ZNF804B: variants seen among roughly 807,000 people sequenced by gnomAD.
ZNF804B encodes the protein zinc finger protein 804B.
A neutral mutation model predicts 101.4 loss-of-function variants in ZNF804B; 80 were observed. The observed-to-expected ratio is 0.79, with a 90% confidence interval of 0.66 to 0.95. The LOEUF (loss-of-function observed/expected upper bound fraction) is 0.95. ZNF804B is among the 40% of genes least tolerant of loss of function. The pLI, the probability that ZNF804B is intolerant of heterozygous loss-of-function variation, is 0.00. For missense variants in ZNF804B, 1,673 were observed against 1,561.9 expected (o/e 1.07, Z -1.20); for synonymous variants, 622 against 558.8 (o/e 1.11, Z -1.59).
At chr7:89,017,127 GCT>G (rs1160660942) in intron 1 of ZNF804B, among the ~76,000 whole-genome samples, 3 of 152,038 alleles carry the variant, frequency 2.0e-5, no homozygotes, top group Admixed American at 6.6e-5. Context: ...TCATGATTTG[GCT>G]CTCTGTTTGT....
At chr7:88,823,865 A>G (rs1216963185) in intron 1 of ZNF804B, among the ~76,000 whole-genome samples, 5 of 152,204 alleles carry the variant, frequency 3.3e-5, no homozygotes, top group African/African-American at 9.6e-5. Context: ...TGGAAGCATA[A>G]GACCTGAAGA....
chr7:89,089,920 C>A (rs1789857008), intron 1 of ZNF804B, among the ~76,000 whole-genome samples: 1 of 151,748 alleles, frequency 6.6e-6, no homozygotes, highest in African/African-American at 2.4e-5. Flanking sequence ...GGTGAAGAAC[C>A]CAAAGATCTA....
At chr7:88,870,380 G>A (rs1210838767) in intron 1 of ZNF804B, among the ~76,000 whole-genome samples, 9 of 67,436 alleles carry the variant, frequency 1.3e-4, no homozygotes, top group Admixed American at 5.4e-4. Context: ...GCGAAACTCC[G>A]TCTCAAAAAA....
At position 88,882,682 on chromosome 7, in the gene ZNF804B, G is replaced by T. The variant is rs1792062503; in HGVS notation, c.108+122598G>T. Among the ~76,000 whole-genome samples, 4 of 151,966 alleles carry T rather than the reference G, an allele frequency of 2.6e-5. No homozygotes were observed. In the South Asian group the frequency reaches 8.3e-4, roughly 31 times the overall value. ...TGTGGCAAATATGCGCCATGGAAAA[G>T]AATGAGATCATGTCATTTGTGGCAA... On this transcript the variant is annotated intron_variant, in intron 1 of 3. Transcript: ENST00000333190.
intron 1 of ZNF804B, among the ~76,000 whole-genome samples, chr7:89,120,919 G>A (rs771354689): frequency 3.9e-5 from 6 of 152,180 alleles, no homozygotes; most frequent in African/African-American, 4.8e-5. Context: ...AGATACTTGA[G>A]AAGCTACATT....
In ZNF804B at chr7:89,336,324, A is replaced by G; in HGVS notation, c.3342A>G (p.Ile1114Met). Residue 1114 changes from isoleucine (I) to methionine (M), a missense_variant, in exon 4 of 4, where the codon ATA becomes ATG. By Grantham distance (10) the Ile-to-Met change is conservative (BLOSUM62 1). Coordinates refer to ENST00000333190, the MANE Select transcript of ZNF804B (RefSeq NM_181646.5). ...SMHINHVEGNINSYYDRTMQK... is the reference protein window; with the variant it reads ...SMHINHVEGNMNSYYDRTMQK... ...ATATAAATCATGTAGAGGGAAATAT[A>G]AACTCTTACTATGACAGAACTATGC... The G allele has an allele frequency of 2.5e-6, 4 of 1,613,926 alleles. No individual in the cohort carries two copies. Among genetic ancestry groups the G allele is most frequent in the Non-Finnish European group, 3.4e-6 (4 of 1,179,944 alleles).
chr7:89,230,525 CTAAG>C (rs972734221), intron 2 of ZNF804B, among the ~76,000 whole-genome samples: 4 of 152,022 alleles, frequency 2.6e-5, no homozygotes, highest in African/African-American at 9.7e-5. Flanking sequence ...TACTATAAAA[CTAAG>C]TATGTAAATA....
intron 1 of ZNF804B, among the ~76,000 whole-genome samples, chr7:88,942,265 A>C (rs1256292507): frequency 6.6e-6 from 1 of 151,964 alleles, no homozygotes; most frequent in East Asian, 1.9e-4. Context: ...CATCTTTTTC[A>C]TTGTGCCATC....
chr7:89,070,836 A>C (rs763289647), intron 1 of ZNF804B, among the ~76,000 whole-genome samples: 1 of 152,044 alleles, frequency 6.6e-6, no homozygotes, highest in African/African-American at 2.4e-5. Flanking sequence ...TCAAGTCTTC[A>C]TTTGTAGAGA....
chr7:88,759,719 C>A lies in ZNF804B; in HGVS notation c.-258C>A. 1.9e-6 allele frequency: 1 copy of A among 516,204 alleles called. No homozygotes were observed. The highest frequency in any genetic ancestry group is 3.3e-5 in the East Asian group (1 of 30,764). The allele number at this position is 516,204 out of a possible 1,614,324, so 32.0% of individuals were successfully genotyped here. Reference sequence around the variant, plus strand: ...TTGAGCAGCCACCTCGTCAGAGCAGCATGTGGACTGGCTCGCCGGGTCCCC... The same window carrying A: ...TTGAGCAGCCACCTCGTCAGAGCAGAATGTGGACTGGCTCGCCGGGTCCCC... On this transcript the variant is annotated 5_prime_UTR_variant, in exon 1 of 4. Coordinates refer to ENST00000333190, the MANE Select transcript of ZNF804B (RefSeq NM_181646.5).
intron 1 of ZNF804B, among the ~76,000 whole-genome samples, chr7:88,866,864 C>G (rs17164852): frequency 0.19 from 28,410 of 152,112 alleles, 2,853 homozygotes; most frequent in African/African-American, 0.28. Flanking sequence ...TGACTTAGTA[C>G]CAAAATGGTT....
rs186564793 is a variant in ZNF804B, at chr7:88,998,431, T to C, written c.109-219724T>C. ...AAGACACTGGATGGAAATGTGCAAATGAAAGAAGATTCCATGGATTGGGAG... is the reference window on the plus strand; with the variant it reads ...AAGACACTGGATGGAAATGTGCAAACGAAAGAAGATTCCATGGATTGGGAG... On this transcript the variant is annotated intron_variant, in intron 1 of 3. Transcript: ENST00000333190. 3.1e-3 allele frequency among the ~76,000 whole-genome samples: 473 copies of C among 152,054 alleles called. 8 individuals are homozygous for C. The highest frequency in any genetic ancestry group is 0.011 in the African/African-American group (453 of 41,510).
intron 1 of ZNF804B, among the ~76,000 whole-genome samples, chr7:88,835,809 A>G (rs993722563): frequency 6.6e-6 from 1 of 152,082 alleles, no homozygotes; most frequent in East Asian, 1.9e-4. Context: ...ATTATAAGCA[A>G]AATGAAAGCA....
chr7:89,205,017 A>C (rs1381904508), intron 1 of ZNF804B, among the ~76,000 whole-genome samples: 1 of 152,180 alleles, frequency 6.6e-6, no homozygotes, highest in Non-Finnish European at 1.5e-5. Context: ...GAGACCTCAC[A>C]ATCATGACGA....
At chr7:88,989,576 T>A (rs182548482) in intron 1 of ZNF804B, among the ~76,000 whole-genome samples, 1 of 152,074 alleles carries the variant, frequency 6.6e-6, no homozygotes, top group South Asian at 2.1e-4. Flanking sequence ...AAAAGAATGA[T>A]AAGTAATGCA....
intron 1 of ZNF804B, among the ~76,000 whole-genome samples, chr7:89,201,320 T>G (rs142797232): frequency 6.6e-6 from 1 of 152,074 alleles, no homozygotes; most frequent in East Asian, 1.9e-4. Flanking sequence ...AAGCAAAAGA[T>G]TCTATAGAAA....
rs908245631 is a variant in ZNF804B, at chr7:89,320,529, G to A, written c.250-6815G>A. ...TGTAATGGAGCACTTGTGATATTTA[G>A]CACAGTATAAAATCATTTAGCATAT... On this transcript the variant is annotated intron_variant, in intron 2 of 3. Coordinates refer to ENST00000333190, the MANE Select transcript of ZNF804B (RefSeq NM_181646.5). 2.6e-5 allele frequency among the ~76,000 whole-genome samples: 4 copies of A among 152,078 alleles called. No homozygotes were observed. The East Asian group carries it at 7.7e-4, about 29-fold the overall frequency.
rs751100228 is a variant in ZNF804B, at chr7:88,869,542, A to G, written c.108+109458A>G. The stretch of plus-strand genomic sequence containing the variant: ...CACTCCATCAGATAGGGGAATTAAC[A>G]GCAATATTTATTATTTTATTACCTA... On this transcript the variant is annotated intron_variant, in intron 1 of 3. Transcript: ENST00000333190. Among the ~76,000 whole-genome samples the G allele has an allele frequency of 1.2e-3, 184 of 152,344 alleles. 2 individuals are homozygous for G. The highest frequency in any genetic ancestry group is 6.0e-4 in the Non-Finnish European group (41 of 68,036).
intron 1 of ZNF804B, among the ~76,000 whole-genome samples, chr7:88,808,036 A>C (rs1790718967): frequency 6.6e-6 from 1 of 152,116 alleles, no homozygotes; most frequent in Non-Finnish European, 1.5e-5. Flanking sequence ...CTCAAATGAC[A>C]CCACATTGAA....
Sources: allele counts gnomAD v4.1 joint callset (sites outside exome capture counted in the v4.1 genomes callset), GRCh38; gene constraint gnomAD v4.1.1; transcripts MANE v1.5; gene names NCBI Gene and HGNC (gene_info 2026-07-23, HGNC 2026-07-21).